MED28: variants seen among roughly 807,000 people sequenced by gnomAD.
MED28 encodes the protein mediator complex subunit 28.
Under a neutral mutation model 21.3 loss-of-function variants are expected in MED28, and 26 were observed. The observed-to-expected ratio is 1.22, with a 90% CI of 0.89 to 1.69. MED28 has a LOEUF of 1.69. Ranked by LOEUF, MED28 falls within the 40% of genes most tolerant of loss-of-function variation. The pLI is 0.00. For missense variants in MED28, 257 were observed against 215.4 expected (o/e 1.19, Z -1.21); for synonymous variants, 110 against 87.6 (o/e 1.26, Z -1.43).
Position 17,628,056 on chromosome 4 carries a change from T to C in MED28, c.*4258T>C, listed in dbSNP as rs1714812801. 6.6e-6 allele frequency: 1 copy of C among 152,152 alleles called. No individual in the cohort carries two copies. 9.4% of individuals were successfully genotyped at this position (152,152 alleles called of 1,614,324 possible). A position where few individuals can be genotyped will look rare whatever the true frequency, so the allele number is the denominator to read the frequency against. ...CCACCTGTCCCTGACATTCAGAAGC[T>C]GACAACACTGTTCGGTCATGCCATT... On this transcript the variant is annotated 3_prime_UTR_variant, in exon 4 of 4. Coordinates refer to ENST00000237380, the MANE Select transcript of MED28 (RefSeq NM_025205.5).
chr4:17,622,834 T>C (rs918839159), intron 3 of MED28, among the ~76,000 whole-genome samples: 1 of 152,178 alleles, frequency 6.6e-6, no homozygotes, highest in Non-Finnish European at 1.5e-5. Flanking sequence ...TCTCACATGG[T>C]GGCAGACAAG....
In MED28 at chr4:17,614,819, A is replaced by G; in HGVS notation, c.159+6A>G. 6.3e-7 allele frequency: 1 copy of G among 1,596,820 alleles called. No individual in the cohort carries two copies. The highest frequency in any genetic ancestry group is 8.5e-7 in the Non-Finnish European group (1 of 1,172,450). Reference sequence around the variant, plus strand: ...AGTTGGAGTCATCTTTCGAGGTAATATAAGACATGGGCGTCTTTGTCCCTA... The same window carrying G: ...AGTTGGAGTCATCTTTCGAGGTAATGTAAGACATGGGCGTCTTTGTCCCTA... On this transcript the variant is annotated splice_donor_region_variant and intron_variant, in intron 1 of 3. Transcript: ENST00000237380.
chr4:17,632,457 A>C lies in MED28; in HGVS notation c.*8659A>C, dbSNP rs1714981103. On this transcript the variant is annotated 3_prime_UTR_variant, in exon 4 of 4. Transcript: ENST00000237380. ...GCATATTATTTGGTTGGTTGGTGTT[A>C]GTTCATTCCTTCAATCGGATGATTT... The C allele has an allele frequency of 2.4e-6, 3 of 1,243,186 alleles. No homozygotes were observed. In the African/African-American group the frequency reaches 4.5e-5, roughly 19 times the overall value. The allele number at this position is 1,243,186 out of a possible 1,614,324, so 77.0% of individuals were successfully genotyped here.
chr4:17,615,847 C>A (rs1220556085), intron 1 of MED28, among the ~76,000 whole-genome samples: 1 of 150,434 alleles, frequency 6.6e-6, no homozygotes. Flanking sequence ...ATAAAAATCC[C>A]AACTTTGTGA....
At position 17,632,589 on chromosome 4, in the gene MED28, GACT is replaced by G. The variant is rs945086910; in HGVS notation, c.*8792_*8794del. The G allele has an allele frequency of 1.9e-6, 3 of 1,551,330 alleles. No individual in the cohort carries two copies. The highest frequency in any genetic ancestry group is 2.6e-6 in the Non-Finnish European group (3 of 1,146,788). On this transcript the variant is annotated 3_prime_UTR_variant, in exon 4 of 4. Transcript: ENST00000237380. ...GGTGCGGAGAGCCCTGTTTCTGCTG[GACT>G]TCTTTGGCTTGGGCCGTTTCACCAT...
chr4:17,627,707 T>G lies in MED28; in HGVS notation c.*3909T>G, dbSNP rs1714804123. ...GACACAGGCCTCCTCTAATGAGCAG[T>G]CTGAGGCCAGGCACAGGAGGCTGAG... On this transcript the variant is annotated 3_prime_UTR_variant, in exon 4 of 4. Coordinates refer to ENST00000237380, the MANE Select transcript of MED28 (RefSeq NM_025205.5). 6.6e-6 allele frequency: 1 copy of G among 152,626 alleles called. No individual in the cohort carries two copies. The allele number at this position is 152,626 out of a possible 1,614,324, so 9.5% of individuals were successfully genotyped here. A position where few individuals can be genotyped will look rare whatever the true frequency, so the allele number is the denominator to read the frequency against.
At position 17,633,455 on chromosome 4, in the gene MED28, A is replaced by C; in HGVS notation, c.*9657A>C. The C allele has an allele frequency of 2.5e-6, 1 of 407,952 alleles. No individual in the cohort carries two copies. 25.3% of individuals were successfully genotyped at this position (407,952 alleles called of 1,614,324 possible). On this transcript the variant is annotated 3_prime_UTR_variant, in exon 4 of 4. Transcript: ENST00000237380. ...GGTCAAGTGACCTGTCCAAGGCCAC[A>C]GAGCTAAGAATGAGGAAGACTGTAA...
chr4:17,626,178 G>C lies in MED28; in HGVS notation c.*2380G>C, dbSNP rs1241067573. The C allele has an allele frequency of 6.5e-6, 1 of 153,818 alleles. No individual in the cohort carries two copies. The allele number at this position is 153,818 out of a possible 1,614,324, so 9.5% of individuals were successfully genotyped here. ...CTTGAACCTGGGAGGCAGAGGTTGT[G>C]ATGAGCCAAGATCGTGCCATTGCAC... is the stretch of plus-strand genomic sequence containing the variant. On this transcript the variant is annotated 3_prime_UTR_variant, in exon 4 of 4. Coordinates refer to ENST00000237380, the MANE Select transcript of MED28 (RefSeq NM_025205.5).
chr4:17,617,632 T>C (rs562867233), intron 1 of MED28, among the ~76,000 whole-genome samples: 29 of 152,282 alleles, frequency 1.9e-4, no homozygotes, highest in African/African-American at 7.0e-4. Flanking sequence ...TCTAGGCAGA[T>C]GCGGTGGCTC....
In MED28 at chr4:17,626,511, G is replaced by A. The variant is rs1410723809; in HGVS notation, c.*2713G>A. On this transcript the variant is annotated 3_prime_UTR_variant, in exon 4 of 4. Coordinates refer to ENST00000237380, the MANE Select transcript of MED28 (RefSeq NM_025205.5). ...ACCTGTGGTTCCAGGGTGTTCTTAA[G>A]AAGCCAAGGTTGTCTTGGGTGTGGT... is the stretch of plus-strand genomic sequence containing the variant. 6.6e-6 allele frequency: 1 copy of A among 152,176 alleles called. No individual in the cohort carries two copies. The allele number at this position is 152,176 out of a possible 1,614,324, so 9.4% of individuals were successfully genotyped here.
In MED28 at chr4:17,630,754, A is replaced by G. The variant is rs951902634; in HGVS notation, c.*6956A>G. The G allele has an allele frequency of 3.3e-5, 5 of 149,898 alleles. No homozygotes were observed. Among genetic ancestry groups the G allele is most frequent in the African/African-American group, 1.2e-4 (5 of 41,126 alleles). The allele number at this position is 149,898 out of a possible 1,614,324, so 9.3% of individuals were successfully genotyped here. A position where few individuals can be genotyped will look rare whatever the true frequency, so the allele number is the denominator to read the frequency against. ...GGCAGTAAATTTACCTTTAATACGT[A>G]AGTTTGACAGTTATATGTAATCAGC... On this transcript the variant is annotated 3_prime_UTR_variant, in exon 4 of 4. Transcript: ENST00000237380.
chr4:17,614,888 T>C (rs1714401771), intron 1 of MED28, 75 bp downstream of exon 1: 1 of 1,477,710 alleles, frequency 6.8e-7, no homozygotes, highest in Non-Finnish European at 9.1e-7. Flanking sequence ...TACGCGTATC[T>C]CCTCCAGGGA....
chr4:17,618,013 C>T (rs796206834), intron 1 of MED28, among the ~76,000 whole-genome samples: 21 of 117,884 alleles, frequency 1.8e-4, no homozygotes, highest in East Asian at 5.1e-4. Flanking sequence ...CTTTTCTTTT[C>T]TTTTTTTTTT....
chr4:17,614,972 C>T (rs904791822), intron 1 of MED28, among the ~76,000 whole-genome samples, 159 bp downstream of exon 1: 2 of 152,184 alleles, frequency 1.3e-5, no homozygotes, highest in Non-Finnish European at 2.9e-5. Flanking sequence ...CCCCGTGGCC[C>T]GTATTCAATT....
In MED28 at chr4:17,628,685, A is replaced by T. The variant is rs906683591; in HGVS notation, c.*4887A>T. The T allele has an allele frequency of 1.3e-5, 2 of 152,176 alleles. No individual in the cohort carries two copies. The highest frequency in any genetic ancestry group is 6.6e-5 in the Admixed American group (1 of 15,266). The allele number at this position is 152,176 out of a possible 1,614,324, so 9.4% of individuals were successfully genotyped here. A position where few individuals can be genotyped will look rare whatever the true frequency, so the allele number is the denominator to read the frequency against. On this transcript the variant is annotated 3_prime_UTR_variant, in exon 4 of 4. Transcript: ENST00000237380. ...GCCTGGTGGAGGACCTGACTGAGAC[A>T]ATTGTGACTGGATGTGGTCTGAGAG... is the stretch of plus-strand genomic sequence containing the variant.
chr4:17,616,473 G>T (rs1010007080), intron 1 of MED28, among the ~76,000 whole-genome samples: 2 of 152,202 alleles, frequency 1.3e-5, no homozygotes, highest in Admixed American at 1.3e-4. Context: ...GCTTAAAAAC[G>T]TACAGTGGCT....
Position 17,629,891 on chromosome 4 carries a change from T to TAACA in MED28, c.*6100_*6103dup, listed in dbSNP as rs745763037. On this transcript the variant is annotated 3_prime_UTR_variant, in exon 4 of 4. Coordinates refer to ENST00000237380, the MANE Select transcript of MED28 (RefSeq NM_025205.5). ...AACTTTCTGAATGGCAGTTTGGTAA[T>TAACA]AACAAACAAAAAGCTTAAGTTTGTG... 6.6e-6 allele frequency: 1 copy of TAACA among 152,208 alleles called. No individual in the cohort carries two copies. Among genetic ancestry groups the TAACA allele is most frequent in the African/African-American group, 2.4e-5 (1 of 41,462 alleles). 9.4% of individuals were successfully genotyped at this position (152,208 alleles called of 1,614,324 possible). A position where few individuals can be genotyped will look rare whatever the true frequency, so the allele number is the denominator to read the frequency against.
chr4:17,623,393 C>T (rs1358779624), intron 3 of MED28, among the ~76,000 whole-genome samples: 4 of 98,146 alleles, frequency 4.1e-5, no homozygotes, highest in South Asian at 3.3e-4. Flanking sequence ...AGCAAGACTT[C>T]GTCTCAAAAA....
Position 17,630,540 on chromosome 4 carries a change from A to G in MED28, c.*6742A>G, listed in dbSNP as rs974556428. ...CTTAGCCTCTAGGACTGTGAGTGAC[A>G]TATTTCTATTGTTTATAAATTATCC... On this transcript the variant is annotated 3_prime_UTR_variant, in exon 4 of 4. Transcript: ENST00000237380. The G allele has an allele frequency of 6.6e-6, 1 of 152,340 alleles. No homozygotes were observed. The highest frequency in any genetic ancestry group is 2.4e-5 in the African/African-American group (1 of 41,574). 9.4% of individuals were successfully genotyped at this position (152,340 alleles called of 1,614,324 possible).
Sources: gnomAD v4.1 joint callset for allele counts (sites outside exome capture counted in the v4.1 genomes callset) on GRCh38, gnomAD v4.1.1 for gene constraint, MANE v1.5 for transcripts, NCBI Gene and HGNC (gene_info 2026-07-23, HGNC 2026-07-21) for gene names.